The following CTNNA3 variants were observed in gnomAD, a reference collection of about 807,000 sequenced individuals.
The protein encoded by CTNNA3 is catenin alpha-3.
A neutral mutation model predicts 95.7 loss-of-function variants in CTNNA3; 76 were observed. That is an observed-to-expected ratio of 0.79 (90% confidence interval 0.66 to 0.96). The LOEUF is 0.96. CTNNA3 is among the 40% of genes least tolerant of loss of function. The pLI, the probability that CTNNA3 is intolerant of heterozygous loss-of-function variation, is 0.00. For missense variants in CTNNA3, 1,191 were observed against 1,089.8 expected, an observed-to-expected ratio of 1.09 and a Z score of -1.31; for synonymous variants, 431 against 374.4, an observed-to-expected ratio of 1.15 and a Z score of -1.74.
chr10:66,031,164 T>C (rs2079441915), intron 15 of CTNNA3, among the ~76,000 whole-genome samples: 1 of 152,114 alleles, frequency 6.6e-6, no homozygotes, highest in African/African-American at 2.4e-5. Context: ...CTCAGAGAAC[T>C]AAAAATAGAA....
At chr10:65,949,435 C>T (rs764909071) in intron 17 of CTNNA3, among the ~76,000 whole-genome samples, 1 of 152,096 alleles carries the variant, frequency 6.6e-6, no homozygotes, top group Non-Finnish European at 1.5e-5. Flanking sequence ...CTCCTGTCAC[C>T]TTTTCTCCAC....
intron 13 of CTNNA3, among the ~76,000 whole-genome samples, chr10:66,189,070 T>C (rs1589678655): frequency 6.6e-6 from 1 of 152,158 alleles, no homozygotes; most frequent in East Asian, 1.9e-4. Flanking sequence ...TTAAATTAGG[T>C]TTTTCATTTT....
intron 3 of CTNNA3, among the ~76,000 whole-genome samples, chr10:67,579,824 A>G (rs1397688666): frequency 6.6e-6 from 1 of 151,992 alleles, no homozygotes; most frequent in Non-Finnish European, 1.5e-5. Flanking sequence ...GCATTTTTTC[A>G]TGTGTCTGTT....
chr10:67,116,729 T>C (rs929725184), intron 7 of CTNNA3, among the ~76,000 whole-genome samples: 4 of 147,656 alleles, frequency 2.7e-5, no homozygotes, highest in Non-Finnish European at 6.0e-5. Context: ...AAAATATATA[T>C]ATATATATAT....
intron 6 of CTNNA3, among the ~76,000 whole-genome samples, chr10:67,195,312 T>C (rs1217619515): frequency 6.6e-6 from 1 of 152,022 alleles, no homozygotes; most frequent in African/African-American, 2.4e-5. Context: ...TGATCTAAAA[T>C]AGCAGGGCTC....
chr10:66,356,122 G>GTTTTTTTT (rs59366031), intron 12 of CTNNA3, among the ~76,000 whole-genome samples: 5 of 117,228 alleles, frequency 4.3e-5, no homozygotes, highest in African/African-American at 1.1e-4. Flanking sequence ...TGCTTGTTTT[G>GTTTTTTTT]TTTTTTTTTT....
intron 2 of CTNNA3, among the ~76,000 whole-genome samples, chr10:67,634,477 G>C (rs1010410687): frequency 2.0e-5 from 3 of 151,998 alleles, no homozygotes; most frequent in Non-Finnish European, 4.4e-5. Flanking sequence ...CACACAACAA[G>C]ATTAACCTTA....
chr10:66,855,344 A>G (rs186920549), intron 7 of CTNNA3, among the ~76,000 whole-genome samples: 175 of 152,148 alleles, frequency 1.2e-3, no homozygotes, highest in African/African-American at 4.1e-3. Flanking sequence ...AAGATTCCCA[A>G]GGATTTCTCA....
intron 5 of CTNNA3, among the ~76,000 whole-genome samples, chr10:67,376,857 C>T (rs1000550312): frequency 7.2e-5 from 11 of 152,160 alleles, no homozygotes; most frequent in African/African-American, 2.7e-4. Context: ...TCCTAACTAA[C>T]CTGCCAGGGC....
intron 12 of CTNNA3, among the ~76,000 whole-genome samples, chr10:66,290,389 T>C (rs1425592312): frequency 6.6e-6 from 1 of 152,058 alleles, no homozygotes; most frequent in Non-Finnish European, 1.5e-5. Context: ...CAATGGGTTA[T>C]ATGGTTCATA....
intron 7 of CTNNA3, among the ~76,000 whole-genome samples, chr10:66,792,523 C>A (rs1222796427): frequency 6.6e-6 from 1 of 152,012 alleles, no homozygotes; most frequent in African/African-American, 2.4e-5. Context: ...GTTTGAGTAG[C>A]AAGGATGTAG....
intron 3 of CTNNA3, among the ~76,000 whole-genome samples, chr10:67,593,665 G>A (rs139359528): frequency 1.5e-3 from 224 of 152,232 alleles, no homozygotes; most frequent in African/African-American, 5.1e-3. Context: ...GGGCAGAGAC[G>A]ATGAGGTTTT....
rs1304000765 is a variant in CTNNA3 at position 66,803,818 on chromosome 10, T to C, written c.1048-28294A>G. ...AAAATCCATTCTCTTAATCACTAAG[T>C]AGGATTAACTACCTCTTAAATCTTC... On this transcript the variant is annotated intron_variant, in intron 7 of 17. Coordinates refer to ENST00000433211, the MANE Select transcript of CTNNA3 (RefSeq NM_013266.4). 2.0e-5 allele frequency among the ~76,000 whole-genome samples: 3 copies of C among 152,208 alleles called. No homozygotes were observed. In the East Asian group the frequency reaches 5.8e-4, roughly 29 times the overall value.
At chr10:66,700,296 G>T (rs539997097) in intron 9 of CTNNA3, among the ~76,000 whole-genome samples, 1 of 152,044 alleles carries the variant, frequency 6.6e-6, no homozygotes, top group African/African-American at 2.4e-5. Context: ...AATTCATTTT[G>T]ACTTAATTTT....
At chr10:66,386,383 T>C (rs2092892425) in intron 11 of CTNNA3, among the ~76,000 whole-genome samples, 2 of 151,998 alleles carry the variant, frequency 1.3e-5, no homozygotes, top group Non-Finnish European at 2.9e-5. Context: ...GAATCCAACT[T>C]ACAAGGGAAG....
intron 1 of CTNNA3, among the ~76,000 whole-genome samples, chr10:67,714,133 G>A (rs1332894062): frequency 2.6e-5 from 4 of 152,264 alleles, no homozygotes; most frequent in Admixed American, 2.0e-4. Context: ...AGTCCCTACT[G>A]GGACACCATG....
intron 7 of CTNNA3, among the ~76,000 whole-genome samples, chr10:66,833,077 T>C (rs1173188661): frequency 6.6e-6 from 1 of 152,220 alleles, no homozygotes. Context: ...TTATATTTTA[T>C]CTTGGTGCTT....
intron 15 of CTNNA3, among the ~76,000 whole-genome samples, chr10:66,025,684 T>G (rs1474781488): frequency 6.6e-6 from 1 of 152,120 alleles, no homozygotes; most frequent in Non-Finnish European, 1.5e-5. Flanking sequence ...AGGGTATAAT[T>G]ATGTAAAATG....
intron 17 of CTNNA3, among the ~76,000 whole-genome samples, chr10:65,953,787 G>A (rs1318076873): frequency 3.3e-5 from 5 of 152,138 alleles, no homozygotes; most frequent in Admixed American, 3.3e-4. Context: ...GTCTATCATT[G>A]ATGGACATTT....
Sources: allele counts gnomAD v4.1 joint callset (sites outside exome capture counted in the v4.1 genomes callset), GRCh38; gene constraint gnomAD v4.1.1; transcripts MANE v1.5; gene names NCBI Gene and HGNC (gene_info 2026-07-23, HGNC 2026-07-21).